GRM8: variants seen among roughly 807,000 people sequenced by gnomAD.
The protein encoded by GRM8 is metabotropic glutamate receptor 8.
A neutral mutation model predicts 87.2 loss-of-function variants in GRM8; 47 were observed. The ratio of observed to expected loss-of-function variants is 0.54; its 90% CI spans 0.43 to 0.69. GRM8 has a LOEUF of 0.69. Among genes scored for constraint, GRM8 ranks in the 30% least tolerant of loss-of-function variants. GRM8 has a pLI of 0.00. For synonymous variants in GRM8, 396 were observed against 404.5 expected (o/e 0.98, Z 0.25); for missense variants, 1,019 against 1,139.2 (o/e 0.89, Z 1.52).
chr7:126,537,433 A>T (rs1005774258), intron 8 of GRM8, among the ~76,000 whole-genome samples: 2 of 152,222 alleles, frequency 1.3e-5, no homozygotes, highest in African/African-American at 4.8e-5. Context: ...ATACAGTAAT[A>T]TTTGAGACTA....
intron 7 of GRM8, among the ~76,000 whole-genome samples, chr7:126,718,369 T>G (rs902631610): frequency 6.6e-6 from 1 of 152,194 alleles, no homozygotes; most frequent in African/African-American, 2.4e-5. Flanking sequence ...TATACCTGAC[T>G]ATTTTAGGCT....
intron 2 of GRM8, among the ~76,000 whole-genome samples, chr7:127,170,777 T>C (rs552484926): frequency 1.6e-3 from 243 of 152,156 alleles, no homozygotes; most frequent in Admixed American, 6.2e-3. Flanking sequence ...CACTTATAAG[T>C]GGGAGCTAAG....
intron 3 of GRM8, among the ~76,000 whole-genome samples, chr7:127,066,622 C>T (rs951023869): frequency 2.0e-5 from 3 of 152,010 alleles, no homozygotes; most frequent in Admixed American, 6.6e-5. Context: ...GCATATTCAT[C>T]AACTCAAATA....
At chr7:127,143,890 G>A (rs148057803) in intron 2 of GRM8, among the ~76,000 whole-genome samples, 1 of 152,092 alleles carries the variant, frequency 6.6e-6, no homozygotes, top group African/African-American at 2.4e-5. Context: ...TCTTCTCTTT[G>A]CTGCAATAGG....
At chr7:127,131,292 G>A (rs1436435652) in intron 2 of GRM8, among the ~76,000 whole-genome samples, 1 of 152,280 alleles carries the variant, frequency 6.6e-6, no homozygotes, top group Non-Finnish European at 1.5e-5. Flanking sequence ...CAGAGTTATA[G>A]AAAGTCACTG....
chr7:127,060,898 C>A (rs967327305), intron 3 of GRM8, among the ~76,000 whole-genome samples: 1 of 152,084 alleles, frequency 6.6e-6, no homozygotes, highest in African/African-American at 2.4e-5. Context: ...GCCTACTTAG[C>A]AAGTTCAGGG....
chr7:127,100,467 C>T (rs1173209653), intron 3 of GRM8, among the ~76,000 whole-genome samples: 1 of 152,142 alleles, frequency 6.6e-6, no homozygotes, highest in African/African-American at 2.4e-5. Context: ...AATGTCTAGG[C>T]CATTATTCCC....
chr7:126,855,902 G>T (rs566845797), intron 6 of GRM8, among the ~76,000 whole-genome samples: 1 of 152,248 alleles, frequency 6.6e-6, no homozygotes, highest in Admixed American at 6.5e-5. Flanking sequence ...TCCAGGAGAA[G>T]ATGGCCCAAC....
chr7:126,484,772 A>C lies in GRM8; in HGVS notation c.2431-38400T>G, dbSNP rs1040525857. 3.9e-5 allele frequency among the ~76,000 whole-genome samples: 6 copies of C among 152,180 alleles called. No individual in the cohort carries two copies. The South Asian group carries it at 6.2e-4, about 16-fold the overall frequency. ...TGTAACAGTGACCTTAAAATGTGAG[A>C]GCTGGCCTTCGTAAAACAAACGTGC... is the stretch of plus-strand genomic sequence containing the variant. On this transcript the variant is annotated intron_variant, in intron 9 of 10. Transcript: ENST00000339582.
intron 7 of GRM8, among the ~76,000 whole-genome samples, chr7:126,619,863 G>T (rs1263267681): frequency 6.6e-6 from 1 of 152,014 alleles, no homozygotes; most frequent in African/African-American, 2.4e-5. Context: ...GCTAATTTTT[G>T]TAATTTTTGG....
intron 2 of GRM8, among the ~76,000 whole-genome samples, chr7:127,216,435 T>C (rs906965618): frequency 4.7e-5 from 7 of 149,458 alleles, no homozygotes; most frequent in Non-Finnish European, 8.9e-5. Context: ...GGAGAATTTC[T>C]TGAACCCAGC....
intron 1 of GRM8, among the ~76,000 whole-genome samples, chr7:127,245,630 A>C (rs1219098163): frequency 3.3e-5 from 5 of 152,250 alleles, no homozygotes; most frequent in South Asian, 2.1e-4. Flanking sequence ...TTGGCATCTC[A>C]TAGCTTTGTT....
At chr7:126,953,287 A>G (rs28951977) in intron 3 of GRM8, among the ~76,000 whole-genome samples, 4 of 152,240 alleles carry the variant, frequency 2.6e-5, no homozygotes, top group South Asian at 2.1e-4. Flanking sequence ...TTAAGAATCT[A>G]TATCAACAAT....
chr7:126,590,196 T>A (rs1796546225), intron 8 of GRM8, among the ~76,000 whole-genome samples: 1 of 151,780 alleles, frequency 6.6e-6, no homozygotes, highest in Non-Finnish European at 1.5e-5. Flanking sequence ...ATATCACAAT[T>A]TCTGGAAATC....
intron 2 of GRM8, among the ~76,000 whole-genome samples, chr7:127,128,772 T>A (rs946644792): frequency 6.6e-6 from 1 of 152,120 alleles, no homozygotes; most frequent in Non-Finnish European, 1.5e-5. Context: ...TGATACTATA[T>A]AGTTTCCCTA....
chr7:126,645,874 T>C (rs1427167126), intron 7 of GRM8, among the ~76,000 whole-genome samples: 1 of 152,186 alleles, frequency 6.6e-6, no homozygotes, highest in Admixed American at 6.5e-5. Context: ...AAATCTCAGT[T>C]TCCATTTGCC....
intron 3 of GRM8, among the ~76,000 whole-genome samples, chr7:127,011,476 TATA>T (rs1814889504): frequency 6.6e-6 from 1 of 152,190 alleles, no homozygotes; most frequent in Non-Finnish European, 1.5e-5. Flanking sequence ...GATCATGATA[TATA>T]ATGTTTATTA....
chr7:126,632,904 G>C (rs1006444572), intron 7 of GRM8, among the ~76,000 whole-genome samples: 1 of 152,034 alleles, frequency 6.6e-6, no homozygotes, highest in Non-Finnish European at 1.5e-5. Context: ...GGAGGAGCGA[G>C]AGCATGATAT....
intron 2 of GRM8, among the ~76,000 whole-genome samples, chr7:127,156,968 GAA>G (rs1334812835): frequency 6.6e-6 from 1 of 151,950 alleles, no homozygotes; most frequent in Non-Finnish European, 1.5e-5. Flanking sequence ...TATTGGAAAA[GAA>G]AAAAGATATA....
Sources: gnomAD v4.1 joint callset for allele counts (sites outside exome capture counted in the v4.1 genomes callset) on GRCh38, gnomAD v4.1.1 for gene constraint, MANE v1.5 for transcripts, NCBI Gene and HGNC (gene_info 2026-07-23, HGNC 2026-07-21) for gene names.